YIPF4: variants seen among roughly 807,000 people sequenced by gnomAD.
YIPF4 encodes the protein Yip1 domain family member 4, also known as protein YIPF4.
YIPF4 carries 18 observed loss-of-function variants against 29.4 expected under a neutral mutation model. That is an observed-to-expected ratio of 0.61 (90% CI 0.42 to 0.91). The LOEUF (loss-of-function observed/expected upper bound fraction) is 0.91, where lower values mean the gene tolerates loss of function less well. Ranked by LOEUF, YIPF4 falls within the 40% of genes least tolerant of loss-of-function variation. The pLI is 0.00. For missense variants in YIPF4, 279 were observed against 282.7 expected (o/e 0.99, Z 0.09); for synonymous variants, 115 against 104.7 (o/e 1.10, Z -0.60).
rs560725851 is a variant in YIPF4 at position 32,283,937 on chromosome 2, C to G, written c.79+5703C>G. 3.3e-5 allele frequency among the ~76,000 whole-genome samples: 5 copies of G among 152,166 alleles called. No individual in the cohort carries two copies. In the East Asian group the frequency reaches 9.7e-4, roughly 29 times the overall value. ...GTTTTACCACGTTGGTCAGGCTGGT[C>G]TCAAACTCCTGACCTCAAGTGATCC... On this transcript the variant is annotated intron_variant, in intron 1 of 5. Coordinates refer to ENST00000238831, the MANE Select transcript of YIPF4 (RefSeq NM_032312.4).
Position 32,307,140 on chromosome 2 carries a change from A to G in YIPF4, c.*1514A>G. 7.7e-7 allele frequency: 1 copy of G among 1,299,414 alleles called. No individual in the cohort carries two copies. Among genetic ancestry groups the G allele is most frequent in the Non-Finnish European group, 1.0e-6 (1 of 987,322 alleles). 80.5% of individuals were successfully genotyped at this position (1,299,414 alleles called of 1,614,324 possible). ...CAGAGGGACAGGACTTCTAGAAGTT[A>G]GAATAATATGAAGTAATCAGGAAAT... On this transcript the variant is annotated 3_prime_UTR_variant, in exon 6 of 6. Transcript: ENST00000238831.
intron 1 of YIPF4, among the ~76,000 whole-genome samples, chr2:32,284,951 T>C (rs1052314255): frequency 6.6e-6 from 1 of 151,578 alleles, no homozygotes; most frequent in African/African-American, 2.4e-5. Flanking sequence ...GGGAGGGAGA[T>C]GAAGGATTCT....
chr2:32,292,862 C>CA lies in YIPF4; in HGVS notation c.405+535dup, dbSNP rs1217481341. Among the ~76,000 whole-genome samples the CA allele has an allele frequency of 5.6e-3, 438 of 77,670 alleles. 5 individuals carry two copies. The highest frequency in any genetic ancestry group is 0.028 in the South Asian group (61 of 2,180). The allele number at this position is 77,670 out of a possible 152,430, so 51.0% of individuals were successfully genotyped here. ...CTGGCGACAGAGTGAGACTCCATCTCAAAAAAAAAAAAAAAAAAAAAGAAA... is the reference window on the plus strand; with the variant it reads ...CTGGCGACAGAGTGAGACTCCATCTCAAAAAAAAAAAAAAAAAAAAAAGAAA... On this transcript the variant is annotated intron_variant, in intron 3 of 5. Transcript: ENST00000238831.
Position 32,308,018 on chromosome 2 carries a change from A to T in YIPF4, c.*2392A>T, listed in dbSNP as rs2148969308. The stretch of plus-strand genomic sequence containing the variant: ...TGGCTAATAATGGTAAGATGACCCT[A>T]ATAATGTCCTCTCCTTGAATTTTTA... On this transcript the variant is annotated 3_prime_UTR_variant, in exon 6 of 6. Coordinates refer to ENST00000238831, the MANE Select transcript of YIPF4 (RefSeq NM_032312.4). 6.6e-6 allele frequency: 1 copy of T among 151,870 alleles called. No individual in the cohort carries two copies. The highest frequency in any genetic ancestry group is 2.4e-5 in the African/African-American group (1 of 41,442). The allele number at this position is 151,870 out of a possible 1,614,324, so 9.4% of individuals were successfully genotyped here.
At chr2:32,305,012 A>T (rs993201362) in intron 5 of YIPF4, among the ~76,000 whole-genome samples, 1 of 152,094 alleles carries the variant, frequency 6.6e-6, no homozygotes, top group African/African-American at 2.4e-5. Flanking sequence ...TTTTTACTTA[A>T]TCGATTTTCT....
Position 32,305,971 on chromosome 2 carries a change from C to T in YIPF4, c.*345C>T, listed in dbSNP as rs1024159113. 1 of 989,364 alleles carries T rather than the reference C, an allele frequency of 1.0e-6. No individual in the cohort carries two copies. The highest frequency in any genetic ancestry group is 1.2e-6 in the Non-Finnish European group (1 of 832,648). 61.3% of individuals were successfully genotyped at this position (989,364 alleles called of 1,614,324 possible). On this transcript the variant is annotated 3_prime_UTR_variant, in exon 6 of 6. Coordinates refer to ENST00000238831, the MANE Select transcript of YIPF4 (RefSeq NM_032312.4). ...TATTTCACTTAAAGGGTAAATTTGA[C>T]AATATCTTGATAATCAAAAGTGCAA...
intron 1 of YIPF4, among the ~76,000 whole-genome samples, chr2:32,283,097 T>C (rs1573524822): frequency 6.7e-6 from 1 of 148,312 alleles, no homozygotes; most frequent in Admixed American, 6.7e-5. Flanking sequence ...AAAAAAGGAA[T>C]ACCCAAGTGC....
In YIPF4 at chr2:32,313,032, T is replaced by C. The variant is rs2031747950; in HGVS notation, c.*7406T>C. 6.6e-6 allele frequency: 1 copy of C among 152,064 alleles called. No homozygotes were observed. The highest frequency in any genetic ancestry group is 6.6e-5 in the Admixed American group (1 of 15,254). The allele number at this position is 152,064 out of a possible 1,614,324, so 9.4% of individuals were successfully genotyped here. A position where few individuals can be genotyped will look rare whatever the true frequency, so the allele number is the denominator to read the frequency against. On this transcript the variant is annotated 3_prime_UTR_variant, in exon 6 of 6. Coordinates refer to ENST00000238831, the MANE Select transcript of YIPF4 (RefSeq NM_032312.4). ...CCCCCCAATATACACACACCCTGAC[T>C]TTAATGAGCTTATTTTGCTGGGGAC... is the stretch of plus-strand genomic sequence containing the variant.
intron 3 of YIPF4, among the ~76,000 whole-genome samples, chr2:32,293,487 C>T (rs1426214193): frequency 6.6e-6 from 1 of 152,246 alleles, no homozygotes; most frequent in Admixed American, 6.5e-5. Context: ...CCCATGTCTA[C>T]TTCTTTCCAC....
chr2:32,289,332 G>A (rs1236573263), intron 1 of YIPF4, among the ~76,000 whole-genome samples: 1 of 152,190 alleles, frequency 6.6e-6, no homozygotes, highest in African/African-American at 2.4e-5. Flanking sequence ...AATTGCAGGA[G>A]TTGTCATAAG....
rs1226807625 is a variant in YIPF4, at chr2:32,306,159, C to A, written c.*533C>A. The stretch of plus-strand genomic sequence containing the variant: ...CAAACTTTTTAATTTGGCCATTAAT[C>A]TTTTTTATTTAAAAATTTAAATTTG... On this transcript the variant is annotated 3_prime_UTR_variant, in exon 6 of 6. Coordinates refer to ENST00000238831, the MANE Select transcript of YIPF4 (RefSeq NM_032312.4). 8.6e-6 allele frequency: 7 copies of A among 817,294 alleles called. No homozygotes were observed. Among genetic ancestry groups the A allele is most frequent in the Non-Finnish European group, 1.0e-5 (7 of 677,112 alleles). The allele number at this position is 817,294 out of a possible 1,614,324, so 50.6% of individuals were successfully genotyped here. A position where few individuals can be genotyped will look rare whatever the true frequency, so the allele number is the denominator to read the frequency against.
chr2:32,285,824 T>C (rs2148959098), intron 1 of YIPF4, among the ~76,000 whole-genome samples: 1 of 152,126 alleles, frequency 6.6e-6, no homozygotes, highest in South Asian at 2.1e-4. Context: ...CCCGGCTAAT[T>C]TTTGTATTTT....
At position 32,316,041 on chromosome 2, in the gene YIPF4, C is replaced by CAAAAAAAAAAAA. The variant is rs1443433378; in HGVS notation, c.*10415_*10416insAAAAAAAAAAAA. 7.6e-6 allele frequency: 1 copy of CAAAAAAAAAAAA among 131,022 alleles called. No homozygotes were observed. The allele number at this position is 131,022 out of a possible 1,614,324, so 8.1% of individuals were successfully genotyped here. ...CCCAAAAAGGAAAAAAAAAAAAAAA[C>CAAAAAAAAAAAA]CAAAAAAAAAAAAAAAGTATAAAGC... On this transcript the variant is annotated 3_prime_UTR_variant, in exon 6 of 6. Coordinates refer to ENST00000238831, the MANE Select transcript of YIPF4 (RefSeq NM_032312.4).
At chr2:32,283,083 A>AC (rs1227190215) in intron 1 of YIPF4, among the ~76,000 whole-genome samples, 6 of 152,110 alleles carry the variant, frequency 3.9e-5, no homozygotes, top group Non-Finnish European at 7.4e-5. Flanking sequence ...TCAAAAAAAA[A>AC]AAAAAAAAAG....
chr2:32,282,445 G>T (rs923415043), intron 1 of YIPF4, among the ~76,000 whole-genome samples: 10 of 152,046 alleles, frequency 6.6e-5, no homozygotes, highest in African/African-American at 2.4e-4. Context: ...GTTTTGTTTT[G>T]TTTTTGAGAC....
chr2:32,305,535 T>C lies in YIPF4; in HGVS notation c.644T>C (p.Val215Ala), dbSNP rs753860958. The C allele has an allele frequency of 6.8e-6, 11 of 1,611,304 alleles. No homozygotes were observed. The Admixed American group carries it at 8.4e-5, about 12-fold the overall frequency. ...WAAYSAASLL[V>A]GEEFKTKKPL... is the part of the protein sequence containing the mutation. Reference sequence around the variant, plus strand: ...GCCTACAGTGCTGCTTCATTGTTAGTGGGTGAAGAATTCAAGACCAAAAAG... The same window carrying C: ...GCCTACAGTGCTGCTTCATTGTTAGCGGGTGAAGAATTCAAGACCAAAAAG... Residue 215 changes from valine to alanine, a missense_variant, in exon 6 of 6, where the codon GTG becomes GCG. By Grantham distance (64) the Val-to-Ala change is moderately conservative. Coordinates refer to ENST00000238831, the MANE Select transcript of YIPF4 (RefSeq NM_032312.4).
intron 3 of YIPF4, among the ~76,000 whole-genome samples, chr2:32,294,659 C>T (rs1216409564): frequency 3.3e-5 from 5 of 151,766 alleles, no homozygotes; most frequent in African/African-American, 1.2e-4. Context: ...ACTTCCCAGA[C>T]GGGGTGGCGG....
At chr2:32,302,256 C>A (rs1422505574) in intron 5 of YIPF4, among the ~76,000 whole-genome samples, 2 of 151,078 alleles carry the variant, frequency 1.3e-5, no homozygotes, top group African/African-American at 2.4e-5. Context: ...GTCTCGAACT[C>A]CTGACCTTGT....
intron 1 of YIPF4, among the ~76,000 whole-genome samples, chr2:32,279,394 C>CTTTTTTTTT (rs35036420): frequency 1.0e-5 from 1 of 98,752 alleles, no homozygotes; most frequent in Non-Finnish European, 1.9e-5. Flanking sequence ...CTAGATTTTC[C>CTTTTTTTTT]TTTTTTTTTT....
Sources: gnomAD v4.1 joint callset for allele counts (sites outside exome capture counted in the v4.1 genomes callset) on GRCh38, gnomAD v4.1.1 for gene constraint, MANE v1.5 for transcripts, NCBI Gene and HGNC (gene_info 2026-07-23, HGNC 2026-07-21) for gene names.